Variants in PDE4D observed in about 807,000 individuals in gnomAD.
PDE4D encodes the protein 3',5'-cyclic-AMP phosphodiesterase 4D.
A neutral mutation model predicts 87.4 loss-of-function variants in PDE4D; 24 were observed. That is an observed-to-expected ratio of 0.27 (90% CI 0.20 to 0.39). PDE4D has a LOEUF of 0.39. PDE4D is among the 10% of genes least tolerant of loss of function. The pLI is 1.00. For synonymous variants in PDE4D, 384 were observed against 383.2 expected (o/e 1.00, Z -0.02); for missense variants, 714 against 1,041.0 (o/e 0.69, Z 4.32).
At chr5:59,994,180 G>A (rs745717809) in intron 2 of PDE4D, among the ~76,000 whole-genome samples, 14 of 151,456 alleles carry the variant, frequency 9.2e-5, no homozygotes, top group Non-Finnish European at 1.6e-4. Context: ...CACATTACTA[G>A]GGTTAAATAA....
intron 2 of PDE4D, among the ~76,000 whole-genome samples, chr5:60,107,853 G>A (rs1011937843): frequency 7.2e-5 from 11 of 152,072 alleles, no homozygotes; most frequent in South Asian, 2.1e-4. Flanking sequence ...TTGATGGGAC[G>A]TATCTCAAAA....
At chr5:59,568,097 G>A (rs1011583868) in intron 1 of PDE4D, among the ~76,000 whole-genome samples, 1 of 152,142 alleles carries the variant, frequency 6.6e-6, no homozygotes, top group African/African-American at 2.4e-5. Context: ...GATGAGGAAG[G>A]AGTTATATTG....
chr5:59,035,415 G>C (rs1244259839), intron 6 of PDE4D, among the ~76,000 whole-genome samples: 1 of 152,136 alleles, frequency 6.6e-6, no homozygotes, highest in Non-Finnish European at 1.5e-5. Context: ...GTGCGCTATA[G>C]ACAGTTATCT....
Position 59,396,087 on chromosome 5 carries a change from A to T in PDE4D, c.456-180119T>A, listed in dbSNP as rs1294892833. ...CCAAGAAATATGGGACTATGTGAAT[A>T]GACCAAGTCTACGTCTGACTGGTGT... On this transcript the variant is annotated intron_variant, in intron 1 of 14. Transcript: ENST00000340635. 1.7e-5 allele frequency among the ~76,000 whole-genome samples: 2 copies of T among 120,678 alleles called. 1 individual carries two copies. The highest frequency in any genetic ancestry group is 3.5e-5 in the Non-Finnish European group (2 of 56,658). The allele number at this position is 120,678 out of a possible 152,430, so 79.2% of individuals were successfully genotyped here.
At chr5:59,849,299 C>T (rs1350156380) in intron 1 of PDE4D, among the ~76,000 whole-genome samples, 6 of 151,818 alleles carry the variant, frequency 4.0e-5, no homozygotes, top group Non-Finnish European at 8.8e-5. Context: ...GATGTTGAAA[C>T]TGTTTTATTT....
chr5:60,221,483 T>C (rs2149597726), intron 1 of PDE4D, among the ~76,000 whole-genome samples: 1 of 152,256 alleles, frequency 6.6e-6, no homozygotes, highest in South Asian at 2.1e-4. Flanking sequence ...GATTATGCCT[T>C]GTATTTTTTA....
At chr5:59,941,758 T>C (rs146408498) in intron 3 of PDE4D, among the ~76,000 whole-genome samples, 1 of 152,324 alleles carries the variant, frequency 6.6e-6, no homozygotes, top group East Asian at 1.9e-4. Context: ...AGCACTCTAA[T>C]ATCTTCTATA....
intron 2 of PDE4D, among the ~76,000 whole-genome samples, chr5:60,084,555 T>C (rs1257756046): frequency 6.6e-6 from 1 of 151,736 alleles, no homozygotes; most frequent in Non-Finnish European, 1.5e-5. Flanking sequence ...AATTTGAAGA[T>C]ATTCAGTGAC....
chr5:60,232,898 T>C (rs897460863), intron 1 of PDE4D, among the ~76,000 whole-genome samples: 1 of 151,792 alleles, frequency 6.6e-6, no homozygotes, highest in African/African-American at 2.4e-5. Context: ...AATAAAAATG[T>C]AATAGAAATT....
upstream of PDE4D, chr5:59,893,783 T>C (rs563979257): frequency 2.2e-5 from 30 of 1,335,698 alleles, no homozygotes; most frequent in East Asian, 8.9e-4. Context: ...GCCTCAGGGC[T>C]ACCGAGAGGG....
At chr5:59,780,713 A>ACAGCTTAC (rs1764527457) in intron 1 of PDE4D, among the ~76,000 whole-genome samples, 1 of 152,226 alleles carries the variant, frequency 6.6e-6, no homozygotes, top group African/African-American at 2.4e-5. Flanking sequence ...CCTCAGCTGT[A>ACAGCTTAC]AACTTACTGA....
At chr5:59,384,128 A>G (rs73095430) in intron 1 of PDE4D, among the ~76,000 whole-genome samples, 9 of 151,606 alleles carry the variant, frequency 5.9e-5, no homozygotes, top group African/African-American at 2.2e-4. Context: ...CTGGTCATGA[A>G]CTCCTGGACT....
chr5:59,336,885 T>A (rs915096366), intron 1 of PDE4D, among the ~76,000 whole-genome samples: 1 of 152,220 alleles, frequency 6.6e-6, no homozygotes, highest in Non-Finnish European at 1.5e-5. Flanking sequence ...ACACAAGACA[T>A]AGCCCTGTTA....
intron 3 of PDE4D, among the ~76,000 whole-genome samples, chr5:59,961,398 C>T (rs1291199214): frequency 1.3e-5 from 2 of 151,866 alleles, no homozygotes; most frequent in African/African-American, 2.4e-5. Context: ...CAGCCACTGG[C>T]GGCTATGAAA....
intron 3 of PDE4D, among the ~76,000 whole-genome samples, chr5:59,980,571 T>C (rs1761824594): frequency 1.3e-5 from 2 of 152,220 alleles, no homozygotes; most frequent in African/African-American, 4.8e-5. Flanking sequence ...TAGAAGCCTT[T>C]GATTTCTAAA....
intron 1 of PDE4D, among the ~76,000 whole-genome samples, chr5:60,222,537 G>A (rs1744620388): frequency 2.0e-5 from 3 of 152,150 alleles, no homozygotes; most frequent in Admixed American, 2.0e-4. Flanking sequence ...TCATAGGGTA[G>A]ATGTACATTC....
chr5:59,487,170 A>C (rs1025461278), intron 1 of PDE4D, among the ~76,000 whole-genome samples: 4 of 152,210 alleles, frequency 2.6e-5, no homozygotes, highest in African/African-American at 9.6e-5. Context: ...TTCTAGATTG[A>C]AAACAGAAGG....
At chr5:59,935,970 C>T (rs984708589) in intron 3 of PDE4D, among the ~76,000 whole-genome samples, 5 of 152,032 alleles carry the variant, frequency 3.3e-5, no homozygotes, top group Admixed American at 2.6e-4. Flanking sequence ...GGGTATATAC[C>T]CAGTAACAGA....
At chr5:60,290,304 A>G (rs1274806197) in intron 1 of PDE4D, among the ~76,000 whole-genome samples, 2 of 152,200 alleles carry the variant, frequency 1.3e-5, no homozygotes, top group Non-Finnish European at 2.9e-5. Context: ...AAATCATAAC[A>G]GAATGGAGAT....
Sources: allele counts gnomAD v4.1 joint callset (sites outside exome capture counted in the v4.1 genomes callset), GRCh38; gene constraint gnomAD v4.1.1; transcripts MANE v1.5; gene names NCBI Gene and HGNC (gene_info 2026-07-23, HGNC 2026-07-21).